The following TOX variants were observed in gnomAD, a reference collection of about 807,000 sequenced individuals.
TOX encodes the protein thymocyte selection-associated high mobility group box protein TOX.
In TOX, 11 loss-of-function variants were observed where a neutral mutation model predicts 53.7. The ratio of observed to expected loss-of-function variants is 0.20; its 90% CI spans 0.13 to 0.34. The LOEUF is 0.34. Among genes scored for constraint, TOX ranks in the 10% least tolerant of loss-of-function variants. The pLI is 1.00. For synonymous variants in TOX, 225 were observed against 245.3 expected (o/e 0.92, Z 0.77); for missense variants, 570 against 664.6 (o/e 0.86, Z 1.56).
At chr8:59,005,030 GA>G (rs1406224463) in intron 1 of TOX, among the ~76,000 whole-genome samples, 1 of 128,754 alleles carries the variant, frequency 7.8e-6, no homozygotes, top group Non-Finnish European at 1.6e-5. Flanking sequence ...ATTTAAACTT[GA>G]AAATATCATT....
At chr8:58,915,843 A>ATTTG (rs1812009448) in intron 3 of TOX, among the ~76,000 whole-genome samples, 1 of 139,396 alleles carries the variant, frequency 7.2e-6, no homozygotes, top group Non-Finnish European at 1.5e-5. Context: ...TAACCAATAC[A>ATTTG]GAGAAGTGCT....
intron 1 of TOX, among the ~76,000 whole-genome samples, chr8:59,022,666 T>C (rs1482642821): frequency 2.0e-5 from 3 of 152,202 alleles, no homozygotes; most frequent in Non-Finnish European, 4.4e-5. Flanking sequence ...TAGCAACTGG[T>C]AAACTCATAG....
chr8:58,883,011 G>C (rs1159951619), intron 3 of TOX, among the ~76,000 whole-genome samples: 1 of 152,138 alleles, frequency 6.6e-6, no homozygotes, highest in Admixed American at 6.5e-5. Flanking sequence ...AGATTTCTCT[G>C]ACACACACAC....
At chr8:58,892,036 TGA>T (rs1477555662) in intron 3 of TOX, among the ~76,000 whole-genome samples, 2 of 152,040 alleles carry the variant, frequency 1.3e-5, no homozygotes, top group African/African-American at 4.8e-5. Flanking sequence ...TGATATTGTG[TGA>T]GAGGGAAAAA....
At chr8:59,034,917 C>T (rs547192630) in intron 1 of TOX, among the ~76,000 whole-genome samples, 1 of 152,206 alleles carries the variant, frequency 6.6e-6, no homozygotes, top group South Asian at 2.1e-4. Flanking sequence ...TTGAGACACA[C>T]AGAAGTTAAG....
At chr8:59,053,461 A>G (rs1803830923) in intron 1 of TOX, among the ~76,000 whole-genome samples, 3 of 152,222 alleles carry the variant, frequency 2.0e-5, no homozygotes. Context: ...TCAACTAGAA[A>G]AAACATAAAA....
chr8:59,034,983 G>T (rs556241022), intron 1 of TOX, among the ~76,000 whole-genome samples: 80 of 152,254 alleles, frequency 5.3e-4, no homozygotes, highest in African/African-American at 1.9e-3. Context: ...AAGAGGGGAA[G>T]AGCAGGGCCC....
intron 4 of TOX, among the ~76,000 whole-genome samples, chr8:58,838,699 C>CTTGTTTTTTTTTTTTTT (rs1810590786): frequency 1.1e-5 from 1 of 88,912 alleles, no homozygotes; most frequent in African/African-American, 6.0e-5. Context: ...TTATCCTTGT[C>CTTGTTTTTTTTTTTTTT]TTTTTTTTTT....
At chr8:59,063,673 C>T (rs1017803897) in intron 1 of TOX, among the ~76,000 whole-genome samples, 4 of 152,076 alleles carry the variant, frequency 2.6e-5, no homozygotes, top group Non-Finnish European at 5.9e-5. Flanking sequence ...CCACCCGCCT[C>T]GGCCTCTTAA....
At chr8:58,842,910 AT>A (rs1347048937) in intron 4 of TOX, among the ~76,000 whole-genome samples, 1 of 152,204 alleles carries the variant, frequency 6.6e-6, no homozygotes, top group Admixed American at 6.5e-5. Flanking sequence ...GCTGGATGCA[AT>A]GTTGCTCAAA....
chr8:58,970,208 G>A (rs1387251746), intron 1 of TOX, among the ~76,000 whole-genome samples: 3 of 152,068 alleles, frequency 2.0e-5, no homozygotes, highest in Non-Finnish European at 4.4e-5. Context: ...CTGAGTCCTG[G>A]AGAATTAAGT....
intron 2 of TOX, among the ~76,000 whole-genome samples, chr8:58,948,449 A>C (rs1176722647): frequency 6.6e-6 from 1 of 152,148 alleles, no homozygotes; most frequent in Non-Finnish European, 1.5e-5. Context: ...CATACCAGGC[A>C]TTGTACGTAA....
At chr8:59,096,850 C>G (rs1250897645) in intron 1 of TOX, among the ~76,000 whole-genome samples, 1 of 152,124 alleles carries the variant, frequency 6.6e-6, no homozygotes, top group Non-Finnish European at 1.5e-5. Flanking sequence ...ATTCTGTAAC[C>G]AAATGGTGTG....
At chr8:58,960,575 GATA>G (rs1812782303) in intron 1 of TOX, among the ~76,000 whole-genome samples, 1 of 152,062 alleles carries the variant, frequency 6.6e-6, no homozygotes, top group Admixed American at 6.6e-5. Context: ...GGCTAAGAAT[GATA>G]ATAACAATAA....
chr8:59,083,802 C>T (rs989429490), intron 1 of TOX, among the ~76,000 whole-genome samples: 1 of 152,132 alleles, frequency 6.6e-6, no homozygotes, highest in Non-Finnish European at 1.5e-5. Flanking sequence ...GGCTAAAATG[C>T]TGTAGAAATT....
In TOX at chr8:58,860,759, G is replaced by T. The variant is rs148638466; in HGVS notation, c.412-8954C>A. On this transcript the variant is annotated intron_variant, in intron 3 of 8. Transcript: ENST00000361421. Reference sequence around the variant, plus strand: ...GAGAAAGTCAACAGCACAGATAAAGGTTGAACTTATAACCTGGGTTTTAAT... The same window carrying T: ...GAGAAAGTCAACAGCACAGATAAAGTTTGAACTTATAACCTGGGTTTTAAT... Among the ~76,000 whole-genome samples, 9 of 152,320 alleles carry T rather than the reference G, an allele frequency of 5.9e-5. No homozygotes were observed. In the East Asian group the frequency reaches 1.5e-3, roughly 26 times the overall value.
intron 1 of TOX, among the ~76,000 whole-genome samples, chr8:58,975,285 GA>G (rs1813076148): frequency 6.6e-6 from 1 of 151,964 alleles, no homozygotes; most frequent in Non-Finnish European, 1.5e-5. Flanking sequence ...GAGAGAGAGA[GA>G]GAGGGGAGAT....
intron 2 of TOX, among the ~76,000 whole-genome samples, chr8:58,941,767 T>C (rs992257147): frequency 6.6e-6 from 1 of 152,126 alleles, no homozygotes; most frequent in Non-Finnish European, 1.5e-5. Flanking sequence ...TTTGAAACTC[T>C]CCTGGCGGGG....
intron 3 of TOX, among the ~76,000 whole-genome samples, chr8:58,936,489 C>G (rs1296248653): frequency 6.6e-6 from 1 of 152,134 alleles, no homozygotes; most frequent in Admixed American, 6.6e-5. Flanking sequence ...TCTTATCAAT[C>G]ATTTGAGCCT....
Sources: gnomAD v4.1 joint callset for allele counts (sites outside exome capture counted in the v4.1 genomes callset) on GRCh38, gnomAD v4.1.1 for gene constraint, MANE v1.5 for transcripts, NCBI Gene and HGNC (gene_info 2026-07-23, HGNC 2026-07-21) for gene names.